The following CHAT variants were observed in gnomAD, a reference collection of about 807,000 sequenced individuals.
The protein encoded by CHAT is choline O-acetyltransferase.
A neutral mutation model predicts 76.9 loss-of-function variants in CHAT; 61 were observed. The observed-to-expected ratio is 0.79, with a 90% CI of 0.65 to 0.98. The LOEUF is 0.98. Ranked by LOEUF, CHAT falls within the 50% of genes least tolerant of loss-of-function variation. CHAT has a pLI of 0.00. For synonymous variants in CHAT, 407 were observed against 397.4 expected (o/e 1.02, Z -0.29); for missense variants, 946 against 986.9 (o/e 0.96, Z 0.56).
upstream of CHAT, among the ~76,000 whole-genome samples, chr10:49,613,606 C>T (rs1838361923): frequency 6.6e-6 from 1 of 152,092 alleles, no homozygotes; most frequent in Admixed American, 6.5e-5. Flanking sequence ...ATCTGCGAGT[C>T]GGGCTGTGTG....
In CHAT at chr10:49,645,039, G is replaced by A. The variant is rs116366233; in HGVS notation, c.1112-1466G>A. On this transcript the variant is annotated intron_variant, in intron 7 of 14. Transcript: ENST00000337653. Reference sequence around the variant, plus strand: ...CTAGTTATCTTTGAGGAGGTTCCCCGGAAGCTGTGGTGTAGTTTTTTGAGA... The same window carrying A: ...CTAGTTATCTTTGAGGAGGTTCCCCAGAAGCTGTGGTGTAGTTTTTTGAGA... Among the ~76,000 whole-genome samples, 1,058 of 152,290 alleles carry A rather than the reference G, an allele frequency of 6.9e-3. 12 individuals carry two copies. Among genetic ancestry groups the A allele is most frequent in the African/African-American group, 0.024 (984 of 41,550 alleles).
Position 49,664,899 on chromosome 10 carries a change from AG to A in CHAT, c.2101del (p.Glu701ArgfsTer18). On this transcript the variant is annotated frameshift_variant, in exon 15 of 15. Coordinates refer to ENST00000337653, the MANE Select transcript of CHAT (RefSeq NM_020549.5). LOFTEE classifies it low-confidence loss of function (END_TRUNC). ...GCATCTCTAGCTTTCACAGCTGCAA[AG>A]AGACTTCTTCTAGCAAGTTTGCAAA... ...FCISSFHSCK[E>X]TSSSKFAKAV... is the part of the protein sequence containing the mutation. The A allele has an allele frequency of 2.5e-6, 4 of 1,614,218 alleles. No homozygotes were observed. Among genetic ancestry groups the A allele is most frequent in the Non-Finnish European group, 3.4e-6 (4 of 1,180,032 alleles).
chr10:49,643,536 G>A (rs370733968), intron 7 of CHAT, among the ~76,000 whole-genome samples: 4 of 152,174 alleles, frequency 2.6e-5, no homozygotes, highest in African/African-American at 9.7e-5. Flanking sequence ...AGTGCAGGGC[G>A]AGCACTATGG....
In CHAT at chr10:49,647,011, T is replaced by TG. The variant is rs1186625518; in HGVS notation, c.1281+342dup. On this transcript the variant is annotated intron_variant, in intron 8 of 14. Coordinates refer to ENST00000337653, the MANE Select transcript of CHAT (RefSeq NM_020549.5). The stretch of plus-strand genomic sequence containing the variant: ...CCCATCACCCATCACACCTGTGAGG[T>TG]GGGGGTGTGCCAGGAGTAGGAGAGT... 1.2e-5 allele frequency: 5 copies of TG among 413,510 alleles called. No individual in the cohort carries two copies. In the East Asian group the frequency reaches 1.5e-4, roughly 12 times the overall value. The allele number at this position is 413,510 out of a possible 1,614,324, so 25.6% of individuals were successfully genotyped here. A position where few individuals can be genotyped will look rare whatever the true frequency, so the allele number is the denominator to read the frequency against.
chr10:49,644,012 G>A (rs987901175), intron 7 of CHAT, among the ~76,000 whole-genome samples: 2 of 152,202 alleles, frequency 1.3e-5, no homozygotes, highest in Admixed American at 1.3e-4. Context: ...GGGATTGGGG[G>A]GCACCTCTGG....
intron 13 of CHAT, among the ~76,000 whole-genome samples, chr10:49,655,905 T>A (rs913620411): frequency 4.6e-5 from 7 of 152,192 alleles, no homozygotes; most frequent in African/African-American, 1.7e-4. Flanking sequence ...GAATAAAAAG[T>A]CTTTGCTGAA....
chr10:49,619,762 C>T lies in CHAT; in HGVS notation c.425C>T (p.Thr142Ile). The T allele has an allele frequency of 6.2e-7, 1 of 1,613,718 alleles. No individual in the cohort carries two copies. The highest frequency in any genetic ancestry group is 1.3e-5 in the African/African-American group (1 of 75,028). ...CTGCCCGTGCCCCCGCTGCAGCAGACCCTGGCCACGTACCTGCAGTGCATG... is the reference window on the plus strand; with the variant it reads ...CTGCCCGTGCCCCCGCTGCAGCAGATCCTGGCCACGTACCTGCAGTGCATG... Reference protein sequence around the residue: ...PKLPVPPLQQTLATYLQCMRH... With the variant: ...PKLPVPPLQQILATYLQCMRH... Residue 142 changes from threonine (T) to isoleucine (I), a missense_variant, in exon 3 of 15, where the codon ACC (threonine) becomes ATC (isoleucine). This residue lies in a region of CHAT where 548 missense variants were observed against 516.2 expected (regional missense o/e 1.06). Coordinates refer to ENST00000337653, the MANE Select transcript of CHAT (RefSeq NM_020549.5).
At chr10:49,622,753 C>T (rs1838775932) in intron 5 of CHAT, among the ~76,000 whole-genome samples, 1 of 152,144 alleles carries the variant, frequency 6.6e-6, no homozygotes, top group South Asian at 2.1e-4. Flanking sequence ...GCATTAGAAG[C>T]TGGAAGGAGA....
At chr10:49,615,165 G>A (rs548322648) in intron 1 of CHAT, among the ~76,000 whole-genome samples, 1 of 151,230 alleles carries the variant, frequency 6.6e-6, no homozygotes, top group African/African-American at 2.4e-5. Flanking sequence ...ATGGGGGGGA[G>A]GGGGGGGCTC....
At chr10:49,650,066 A>G (rs1194090278) in intron 10 of CHAT, among the ~76,000 whole-genome samples, 1 of 152,178 alleles carries the variant, frequency 6.6e-6, no homozygotes, top group African/African-American at 2.4e-5. Context: ...GGGGCCGTTC[A>G]GGCCCTAACG....
In CHAT at chr10:49,648,493, C is replaced by G; in HGVS notation, c.1282-14C>G. The G allele has an allele frequency of 6.2e-7, 1 of 1,609,936 alleles. No homozygotes were observed. Among genetic ancestry groups the G allele is most frequent in the South Asian group, 1.1e-5 (1 of 90,842 alleles). On this transcript the variant is annotated splice_polypyrimidine_tract_variant and intron_variant, in intron 8 of 14. Coordinates refer to ENST00000337653, the MANE Select transcript of CHAT (RefSeq NM_020549.5). ...ACTCTCCCATGATCGCCCACTCCCT[C>G]TTTCCTGTTGCAGTTTGTGGTGGGC...
chr10:49,658,208 C>G (rs933101568), intron 13 of CHAT, among the ~76,000 whole-genome samples: 3 of 151,968 alleles, frequency 2.0e-5, no homozygotes, highest in African/African-American at 7.3e-5. Flanking sequence ...ATGGTGAAAC[C>G]CTGTCTCTAC....
chr10:49,610,732 G>T, upstream of CHAT: 1 of 1,505,640 alleles, frequency 6.6e-7, no homozygotes, highest in Non-Finnish European at 8.8e-7. Context: ...AGAGCATCGG[G>T]GTGGGGGCAT....
intron 6 of CHAT, 66 bp downstream of exon 6, chr10:49,625,719 T>C: frequency 6.8e-7 from 1 of 1,478,802 alleles, no homozygotes; most frequent in Non-Finnish European, 9.2e-7. Context: ...TTCACGTCCA[T>C]TACCTTCTCC....
At chr10:49,624,363 C>T (rs1838839323) in intron 5 of CHAT, among the ~76,000 whole-genome samples, 1 of 152,230 alleles carries the variant, frequency 6.6e-6, no homozygotes, top group Non-Finnish European at 1.5e-5. Flanking sequence ...TCAGGCATTA[C>T]ACCAAGTCAT....
intron 10 of CHAT, among the ~76,000 whole-genome samples, chr10:49,650,228 G>A (rs1839832182): frequency 6.6e-6 from 1 of 152,156 alleles, no homozygotes; most frequent in African/African-American, 2.4e-5. Context: ...CATCAAACAT[G>A]TGCAGAGCTC....
At chr10:49,658,856 A>T (rs1018063242) in intron 13 of CHAT, among the ~76,000 whole-genome samples, 1 of 152,260 alleles carries the variant, frequency 6.6e-6, no homozygotes, top group African/African-American at 2.4e-5. Context: ...TTTTCAGGAA[A>T]TAAAAATAAC....
chr10:49,650,513 A>T (rs1839842058), intron 10 of CHAT, among the ~76,000 whole-genome samples: 1 of 152,188 alleles, frequency 6.6e-6, no homozygotes, highest in Non-Finnish European at 1.5e-5. Context: ...AGAGGCAGAA[A>T]GGCAGCTTCT....
At chr10:49,626,224 T>G (rs1197147129) in intron 6 of CHAT, among the ~76,000 whole-genome samples, 1 of 152,138 alleles carries the variant, frequency 6.6e-6, no homozygotes, top group African/African-American at 2.4e-5. Flanking sequence ...CCCCTGCAGC[T>G]CAGGTCCTCA....
Sources: allele counts gnomAD v4.1 joint callset (sites outside exome capture counted in the v4.1 genomes callset), GRCh38; gene constraint gnomAD v4.1.1; regional missense constraint gnomAD v4.1.1; transcripts MANE v1.5; gene names NCBI Gene and HGNC (gene_info 2026-07-23, HGNC 2026-07-21).